Variants in PLEKHA7 observed in about 807,000 individuals in gnomAD.
The protein encoded by PLEKHA7 is pleckstrin homology domain containing A7, also known as pleckstrin homology domain-containing family A member 7.
Under a neutral mutation model 170.0 loss-of-function variants are expected in PLEKHA7, and 104 were observed. The ratio of observed to expected loss-of-function variants is 0.61; its 90% CI spans 0.52 to 0.72. PLEKHA7 has a LOEUF of 0.72. Among genes scored for constraint, PLEKHA7 ranks in the 30% least tolerant of loss-of-function variants. The pLI is 0.00. For missense variants in PLEKHA7, 1,615 were observed against 1,671.7 expected (o/e 0.97, Z 0.59); for synonymous variants, 648 against 660.8 (o/e 0.98, Z 0.30).
At chr11:16,833,408 C>T (rs1851271976) in intron 9 of PLEKHA7, among the ~76,000 whole-genome samples, 1 of 152,212 alleles carries the variant, frequency 6.6e-6, no homozygotes, top group South Asian at 2.1e-4. Context: ...GCCAGCCCTC[C>T]TCACTTTATT....
chr11:16,901,811 A>G (rs1030615477), intron 3 of PLEKHA7, among the ~76,000 whole-genome samples: 1 of 152,232 alleles, frequency 6.6e-6, no homozygotes, highest in Non-Finnish European at 1.5e-5. Context: ...TGGAGGTTGC[A>G]GTGAGTGGAA....
intron 26 of PLEKHA7, among the ~76,000 whole-genome samples, chr11:16,782,528 G>C (rs753033702): frequency 3.3e-5 from 5 of 152,156 alleles, no homozygotes; most frequent in African/African-American, 4.8e-5. Context: ...TGAGCTTCTG[G>C]GCCCCCTTGG....
At chr11:16,797,055 T>TA (rs60196843) in intron 17 of PLEKHA7, among the ~76,000 whole-genome samples, 4 of 151,432 alleles carry the variant, frequency 2.6e-5, no homozygotes, top group Non-Finnish European at 4.4e-5. Context: ...ATATATCAAT[T>TA]AAAAAAAAAT....
chr11:16,839,293 T>C (rs1851773777), intron 9 of PLEKHA7, among the ~76,000 whole-genome samples: 1 of 151,942 alleles, frequency 6.6e-6, no homozygotes, highest in Admixed American at 6.6e-5. Context: ...TATAAATGCA[T>C]AGAAAATAGT....
intron 24 of PLEKHA7, among the ~76,000 whole-genome samples, 176 bp from the exon 25 acceptor site, chr11:16,784,009 C>A (rs1249809890): frequency 6.6e-6 from 1 of 152,126 alleles, no homozygotes; most frequent in Non-Finnish European, 1.5e-5. Context: ...AACCTGAGTC[C>A]GACTCCAAAG....
intron 13 of PLEKHA7, among the ~76,000 whole-genome samples, chr11:16,806,129 G>A (rs559093479): frequency 1.3e-5 from 2 of 152,330 alleles, no homozygotes; most frequent in East Asian, 3.9e-4. Flanking sequence ...TTCGGGCAAT[G>A]TTTGCTCAGT....
At chr11:16,971,398 G>A (rs1404076812) in intron 3 of PLEKHA7, among the ~76,000 whole-genome samples, 2 of 152,164 alleles carry the variant, frequency 1.3e-5, no homozygotes, top group Non-Finnish European at 2.9e-5. Context: ...CTGTACAGAG[G>A]TGTCATGACT....
rs143075675 is a variant in PLEKHA7 at position 16,931,173 on chromosome 11, C to A, written c.222-59991G>T. ...AGCTAGAACAACTATGGCCAATGAT[C>A]TTCATACTTATATTTTAACCAGAAC... On this transcript the variant is annotated intron_variant, in intron 3 of 26. Coordinates refer to ENST00000531066, the MANE Select transcript of PLEKHA7 (RefSeq NM_001329630.2). Among the ~76,000 whole-genome samples the A allele has an allele frequency of 6.3e-3, 955 of 152,218 alleles. 1 individual carries two copies. The highest frequency in any genetic ancestry group is 0.017 in the Middle Eastern group (5 of 294).
Position 17,014,007 on chromosome 11 carries a change from C to A in PLEKHA7, c.203G>T (p.Gly68Val). 2 of 1,547,026 alleles carry A rather than the reference C, an allele frequency of 1.3e-6. No individual in the cohort carries two copies. Among genetic ancestry groups the A allele is most frequent in the Non-Finnish European group, 1.7e-6 (2 of 1,146,114 alleles). Reference protein sequence around the residue: ...RGWEEGFTEEGASYFIDHNQQ... With the variant: ...RGWEEGFTEEVASYFIDHNQQ... Reference sequence around the variant, plus strand: ...CACTCACTCGATGAAGTAGCTGGCGCCCTCCTCCGTGAAGCCCTCCTCCCA... The same window carrying A: ...CACTCACTCGATGAAGTAGCTGGCGACCTCCTCCGTGAAGCCCTCCTCCCA... Residue 68 changes from glycine to valine, a missense_variant, in exon 3 of 27, where the codon GGC becomes GTC. Transcript: ENST00000531066.
intron 13 of PLEKHA7, among the ~76,000 whole-genome samples, chr11:16,808,264 G>C (rs1274712903): frequency 6.6e-6 from 1 of 152,204 alleles, no homozygotes; most frequent in Non-Finnish European, 1.5e-5. Context: ...GTAGGACCCA[G>C]ACATTTATAT....
At chr11:16,927,117 A>G (rs1315289172) in intron 3 of PLEKHA7, among the ~76,000 whole-genome samples, 1 of 152,164 alleles carries the variant, frequency 6.6e-6, no homozygotes, top group African/African-American at 2.4e-5. Context: ...GAGCCCAGGA[A>G]TTTGAGACTG....
At chr11:17,000,256 T>C (rs1864585985) in intron 3 of PLEKHA7, among the ~76,000 whole-genome samples, 1 of 152,176 alleles carries the variant, frequency 6.6e-6, no homozygotes, top group South Asian at 2.1e-4. Context: ...AACTAATTTT[T>C]TTTGTTTTTG....
intron 3 of PLEKHA7, among the ~76,000 whole-genome samples, chr11:16,872,464 C>T (rs192806872): frequency 9.9e-4 from 150 of 152,254 alleles, no homozygotes; most frequent in Admixed American, 1.8e-3. Flanking sequence ...AGAAAAAGTC[C>T]TATATTATTA....
intron 3 of PLEKHA7, among the ~76,000 whole-genome samples, chr11:16,970,869 C>A (rs1479861142): frequency 1.3e-5 from 2 of 152,134 alleles, no homozygotes; most frequent in East Asian, 3.8e-4. Flanking sequence ...AGTAGTTAAA[C>A]CTACAGGATT....
At position 16,962,417 on chromosome 11, in the gene PLEKHA7, C is replaced by A. The variant is rs138008816; in HGVS notation, c.221+51572G>T. ...CTGTGCAACACTCACGACCCAAAAC[C>A]ACCTTAAGTCTTCGCTCCCTGAGAA... On this transcript the variant is annotated intron_variant, in intron 3 of 26. Transcript: ENST00000531066. 8.2e-3 allele frequency among the ~76,000 whole-genome samples: 1,256 copies of A among 152,320 alleles called. 21 individuals are homozygous for A. Among genetic ancestry groups the A allele is most frequent in the African/African-American group, 0.029 (1,186 of 41,574 alleles).
At chr11:16,902,461 G>C (rs1857401501) in intron 3 of PLEKHA7, among the ~76,000 whole-genome samples, 1 of 152,218 alleles carries the variant, frequency 6.6e-6, no homozygotes, top group Non-Finnish European at 1.5e-5. Flanking sequence ...TCTACCAGCA[G>C]TGCATCAGTG....
intron 13 of PLEKHA7, among the ~76,000 whole-genome samples, chr11:16,806,599 G>T (rs1849006915): frequency 6.6e-6 from 1 of 152,206 alleles, no homozygotes. Flanking sequence ...CTGGAATGCT[G>T]TGAGAGCTGG....
chr11:16,985,815 T>C (rs1237083999), intron 3 of PLEKHA7, among the ~76,000 whole-genome samples: 1 of 152,242 alleles, frequency 6.6e-6, no homozygotes, highest in African/African-American at 2.4e-5. Context: ...GCAAGCTCCA[T>C]GCCCACAGGC....
chr11:16,938,862 G>A (rs934433746), intron 3 of PLEKHA7, among the ~76,000 whole-genome samples: 1 of 152,126 alleles, frequency 6.6e-6, no homozygotes, highest in African/African-American at 2.4e-5. Context: ...ATAATAATCA[G>A]ACACAATTCA....
Sources: allele counts gnomAD v4.1 joint callset (sites outside exome capture counted in the v4.1 genomes callset), GRCh38; gene constraint gnomAD v4.1.1; transcripts MANE v1.5; gene names NCBI Gene and HGNC (gene_info 2026-07-23, HGNC 2026-07-21).